GTF2B: variants seen among roughly 807,000 people sequenced by gnomAD.
The protein encoded by GTF2B is general transcription factor IIB.
Under a neutral mutation model 34.6 loss-of-function variants are expected in GTF2B, and 20 were observed. The observed-to-expected ratio is 0.58, with a 90% confidence interval of 0.41 to 0.84. The LOEUF (loss-of-function observed/expected upper bound fraction) is 0.84, where lower values mean the gene tolerates loss of function less well. GTF2B is among the 40% of genes least tolerant of loss of function. The probability of loss-of-function intolerance (pLI) is 0.00; values close to 1 mark genes in which losing one functional copy is unlikely to be tolerated. For missense variants in GTF2B, 237 were observed against 393.3 expected (o/e 0.60, Z 3.36); for synonymous variants, 142 against 132.4 (o/e 1.07, Z -0.50).
At chr1:88,872,023 G>T (rs1162023017) in intron 2 of GTF2B, among the ~76,000 whole-genome samples, 1 of 152,116 alleles carries the variant, frequency 6.6e-6, no homozygotes, top group Non-Finnish European at 1.5e-5. Context: ...ATGAGCAATT[G>T]CGTCCAGCCC....
chr1:88,852,956 C>T lies in GTF2B; in HGVS notation c.*257G>A. The stretch of plus-strand genomic sequence containing the variant: ...CTTGAGTTTTGAAAAATGTTTTATT[C>T]AAGAATTACATAATTTCAAATATCT... On this transcript the variant is annotated 3_prime_UTR_variant, in exon 7 of 7. Transcript: ENST00000370500. The T allele has an allele frequency of 5.1e-6, 2 of 388,592 alleles. No individual in the cohort carries two copies. The highest frequency in any genetic ancestry group is 4.6e-6 in the Non-Finnish European group (1 of 215,304). The allele number at this position is 388,592 out of a possible 1,614,324, so 24.1% of individuals were successfully genotyped here.
chr1:88,887,489 C>T (rs574310923), intron 1 of GTF2B, 122 bp from the exon 2 acceptor site: 12 of 657,276 alleles, frequency 1.8e-5, no homozygotes, highest in Admixed American at 7.5e-5. Flanking sequence ...AACTGTAACA[C>T]ATATAAGCTA....
At chr1:88,885,464 T>G (rs1674045587) in intron 2 of GTF2B, among the ~76,000 whole-genome samples, 1 of 139,122 alleles carries the variant, frequency 7.2e-6, no homozygotes, top group African/African-American at 2.8e-5. Flanking sequence ...AAAAAAAACT[T>G]TGGCCAGGCG....
chr1:88,885,318 T>G, intron 2 of GTF2B, among the ~76,000 whole-genome samples: 1 of 151,906 alleles, frequency 6.6e-6, no homozygotes, highest in Non-Finnish European at 1.5e-5. Flanking sequence ...TGGGCCCCTG[T>G]AATCCCAGCT....
Position 88,853,361 on chromosome 1 carries a change from T to C in GTF2B, c.818-15A>G. ...ATCTCCAATTTCTAAAAGACAAAAA[T>C]CGAAACATTAACCATCATTTCCATC... is the stretch of plus-strand genomic sequence containing the variant. On this transcript the variant is annotated splice_polypyrimidine_tract_variant and intron_variant, in intron 6 of 6. Coordinates refer to ENST00000370500, the MANE Select transcript of GTF2B (RefSeq NM_001514.6). 1 of 1,609,338 alleles carries C rather than the reference T, an allele frequency of 6.2e-7. No individual in the cohort carries two copies. Among genetic ancestry groups the C allele is most frequent in the Non-Finnish European group, 8.5e-7 (1 of 1,176,098 alleles).
intron 2 of GTF2B, among the ~76,000 whole-genome samples, chr1:88,871,854 C>T (rs938807592): frequency 6.6e-6 from 1 of 152,086 alleles, no homozygotes; most frequent in Non-Finnish European, 1.5e-5. Context: ...AATTCAGCCT[C>T]CCGAGTAGCT....
At chr1:88,870,116 C>T (rs1570726621) in intron 2 of GTF2B, among the ~76,000 whole-genome samples, 1 of 151,992 alleles carries the variant, frequency 6.6e-6, no homozygotes, top group South Asian at 2.1e-4. Context: ...TCAGTAGAGA[C>T]AGGGTTTCAC....
intron 3 of GTF2B, 76 bp from the exon 4 acceptor site, chr1:88,860,362 C>G (rs1673406689): frequency 5.0e-6 from 5 of 996,738 alleles, no homozygotes; most frequent in Non-Finnish European, 7.7e-6. Flanking sequence ...GAAAATATAG[C>G]TTACAAGATC....
At chr1:88,874,236 G>T (rs555220381) in intron 2 of GTF2B, among the ~76,000 whole-genome samples, 1 of 152,194 alleles carries the variant, frequency 6.6e-6, no homozygotes, top group Non-Finnish European at 1.5e-5. Flanking sequence ...AGGAGGGTCT[G>T]ATTTTCTAGC....
intron 6 of GTF2B, among the ~76,000 whole-genome samples, chr1:88,855,686 C>T (rs1557651817): frequency 6.6e-6 from 1 of 152,062 alleles, no homozygotes; most frequent in Non-Finnish European, 1.5e-5. Flanking sequence ...AAGAGCCTCA[C>T]TCCATCAACC....
In GTF2B at chr1:88,852,986, A is replaced by G; in HGVS notation, c.*227T>C. 2.2e-6 allele frequency: 1 copy of G among 448,452 alleles called. No individual in the cohort carries two copies. Among genetic ancestry groups the G allele is most frequent in the East Asian group, 3.7e-5 (1 of 26,792 alleles). The allele number at this position is 448,452 out of a possible 1,614,324, so 27.8% of individuals were successfully genotyped here. A position where few individuals can be genotyped will look rare whatever the true frequency, so the allele number is the denominator to read the frequency against. On this transcript the variant is annotated 3_prime_UTR_variant, in exon 7 of 7. Coordinates refer to ENST00000370500, the MANE Select transcript of GTF2B (RefSeq NM_001514.6). The stretch of plus-strand genomic sequence containing the variant: ...ATTACATAATTTCAAATATCTTCCA[A>G]AATACAGTTTCCTAGATTGCTACAA...
intron 1 of GTF2B, chr1:88,887,659 G>T: frequency 2.9e-6 from 1 of 343,074 alleles, no homozygotes; most frequent in East Asian, 7.9e-5. Flanking sequence ...AAGACTTTTA[G>T]AAATGTTGAT....
chr1:88,874,671 G>T (rs1174822458), intron 2 of GTF2B, among the ~76,000 whole-genome samples: 2 of 151,836 alleles, frequency 1.3e-5, no homozygotes, highest in Non-Finnish European at 2.9e-5. Context: ...GGAACATGAA[G>T]AGGAATTTCC....
chr1:88,889,436 C>CA (rs1299062100), intron 1 of GTF2B, among the ~76,000 whole-genome samples: 1 of 152,202 alleles, frequency 6.6e-6, no homozygotes, highest in Admixed American at 6.5e-5. Context: ...ACTCAAGTAC[C>CA]AGATAATCCC....
rs1674214886 is a variant in GTF2B, at chr1:88,891,564, T to C, written c.-65A>G. ...ACACACCGAAAGCAGGAAGCGAATG[T>C]GGCGAAGAGACGCGCAGAGATGAGT... is the stretch of plus-strand genomic sequence containing the variant. On this transcript the variant is annotated 5_prime_UTR_variant, in exon 1 of 7. Transcript: ENST00000370500. The C allele has an allele frequency of 4.1e-6, 6 of 1,457,962 alleles. No individual in the cohort carries two copies. The East Asian group carries it at 9.6e-5, about 23-fold the overall frequency. The allele number at this position is 1,457,962 out of a possible 1,614,324, so 90.3% of individuals were successfully genotyped here.
intron 3 of GTF2B, among the ~76,000 whole-genome samples, chr1:88,863,536 T>C (rs1462256300): frequency 6.6e-6 from 1 of 151,980 alleles, no homozygotes; most frequent in Non-Finnish European, 1.5e-5. Flanking sequence ...TTTTTTTTTG[T>C]AGTAGAGATG....
intron 5 of GTF2B, among the ~76,000 whole-genome samples, chr1:88,857,939 C>T (rs942365377): frequency 6.6e-6 from 1 of 151,862 alleles, no homozygotes; most frequent in African/African-American, 2.4e-5. Flanking sequence ...ACCTCGGCCT[C>T]CCAAAGTGCT....
chr1:88,881,365 G>A (rs765179275), intron 2 of GTF2B, among the ~76,000 whole-genome samples: 9 of 152,096 alleles, frequency 5.9e-5, no homozygotes, highest in Non-Finnish European at 1.0e-4. Context: ...ATCACCTAAC[G>A]ATGCATTTCT....
intron 2 of GTF2B, among the ~76,000 whole-genome samples, chr1:88,870,928 G>T (rs1570727126): frequency 7.5e-6 from 1 of 133,014 alleles, no homozygotes; most frequent in East Asian, 2.2e-4. Context: ...TTGAGATGGA[G>T]TCTCGCTCAG....
Sources: gnomAD v4.1 joint callset for allele counts (sites outside exome capture counted in the v4.1 genomes callset) on GRCh38, gnomAD v4.1.1 for gene constraint, MANE v1.5 for transcripts, NCBI Gene and HGNC (gene_info 2026-07-23, HGNC 2026-07-21) for gene names.